Variants in CORIN observed in about 807,000 individuals in gnomAD.
CORIN encodes the protein corin, serine peptidase.
Under a neutral mutation model 125.3 loss-of-function variants are expected in CORIN, and 117 were observed. That is an observed-to-expected ratio of 0.93 (90% CI 0.80 to 1.09). CORIN has a LOEUF of 1.09. CORIN is among the 50% of genes least tolerant of loss of function. CORIN has a pLI of 0.00. For synonymous variants in CORIN, 450 were observed against 466.4 expected (o/e 0.96, Z 0.45); for missense variants, 1,253 against 1,306.7 (o/e 0.96, Z 0.63).
intron 7 of CORIN, 42 bp downstream of exon 7, chr4:47,683,689 A>G: frequency 1.4e-6 from 2 of 1,434,368 alleles, no homozygotes; most frequent in Non-Finnish European, 1.9e-6. Flanking sequence ...ATAAATTTCT[A>G]TGATTTTAAA....
intron 5 of CORIN, among the ~76,000 whole-genome samples, chr4:47,741,009 A>G (rs1728368274): frequency 6.6e-6 from 1 of 151,994 alleles, no homozygotes; most frequent in Non-Finnish European, 1.5e-5. Flanking sequence ...TTAAAAGAAA[A>G]CAAAGGAATA....
chr4:47,620,094 T>C (rs915058696), intron 19 of CORIN, among the ~76,000 whole-genome samples: 4 of 152,192 alleles, frequency 2.6e-5, no homozygotes, highest in African/African-American at 9.6e-5. Flanking sequence ...ATAATCACTA[T>C]CACACTGTAA....
chr4:47,695,397 A>G (rs1204033743), intron 5 of CORIN, among the ~76,000 whole-genome samples: 2 of 152,238 alleles, frequency 1.3e-5, no homozygotes, highest in Non-Finnish European at 2.9e-5. Context: ...AGGAAATGGA[A>G]CTGAAAGCTC....
chr4:47,668,885 T>C (rs4459961), intron 10 of CORIN, among the ~76,000 whole-genome samples: 136,038 of 152,250 alleles, frequency 0.89, 61,127 homozygotes, highest in African/African-American at 0.98. Flanking sequence ...TTTATTCCTT[T>C]AAAGGCATTC....
At chr4:47,775,550 TC>T (rs1384977230) in intron 3 of CORIN, among the ~76,000 whole-genome samples, 1 of 152,094 alleles carries the variant, frequency 6.6e-6, no homozygotes, top group Non-Finnish European at 1.5e-5. Context: ...CATGAACTCA[TC>T]CTTTTTTATG....
chr4:47,801,436 T>C (rs1731535848), intron 2 of CORIN, among the ~76,000 whole-genome samples: 1 of 152,148 alleles, frequency 6.6e-6, no homozygotes, highest in Non-Finnish European at 1.5e-5. Context: ...ATTTTAACAA[T>C]TAACTACACA....
chr4:47,594,517 C>T lies in CORIN; in HGVS notation c.*1204G>A, dbSNP rs1721177186. The T allele has an allele frequency of 1.3e-5, 2 of 152,370 alleles. No homozygotes were observed. The highest frequency in any genetic ancestry group is 2.9e-5 in the Non-Finnish European group (2 of 67,988). 9.4% of individuals were successfully genotyped at this position (152,370 alleles called of 1,614,324 possible). A position where few individuals can be genotyped will look rare whatever the true frequency, so the allele number is the denominator to read the frequency against. On this transcript the variant is annotated 3_prime_UTR_variant, in exon 22 of 22. Transcript: ENST00000273857. ...TTGAGTTGCGTAAAGTGGCCTAGAG[C>T]TAAAAATCATTTCTAAAATTTTAAT...
chr4:47,700,076 G>A (rs761020667), intron 5 of CORIN, among the ~76,000 whole-genome samples: 1 of 152,144 alleles, frequency 6.6e-6, no homozygotes, highest in Non-Finnish European at 1.5e-5. Context: ...ATACACATGA[G>A]TCCATGGAAA....
intron 8 of CORIN, 138 bp from the exon 9 acceptor site, chr4:47,678,192 T>C (rs1725114983): frequency 1.5e-6 from 1 of 657,562 alleles, no homozygotes; most frequent in Non-Finnish European, 2.7e-6. Context: ...ATATCATTGA[T>C]TTTATTTCTA....
chr4:47,786,580 A>G, intron 3 of CORIN, 145 bp downstream of exon 3: 1 of 639,706 alleles, frequency 1.6e-6, no homozygotes, highest in East Asian at 2.7e-5. Flanking sequence ...AAAATAGGGC[A>G]CTCAGCTACG....
chr4:47,602,058 G>A (rs1721468665), intron 20 of CORIN, among the ~76,000 whole-genome samples: 1 of 151,254 alleles, frequency 6.6e-6, no homozygotes, highest in South Asian at 2.1e-4. Context: ...CTGAGGTCAG[G>A]AGTTTGAAAC....
intron 5 of CORIN, among the ~76,000 whole-genome samples, chr4:47,722,396 C>T (rs543677982): frequency 2.0e-5 from 3 of 152,324 alleles, no homozygotes; most frequent in South Asian, 2.1e-4. Flanking sequence ...CCGCCCTTTT[C>T]GCAATGTTCC....
At chr4:47,821,176 A>G (rs1250030616) in intron 1 of CORIN, among the ~76,000 whole-genome samples, 4 of 152,088 alleles carry the variant, frequency 2.6e-5, no homozygotes, top group Non-Finnish European at 2.9e-5. Flanking sequence ...CAGAGGTTTC[A>G]GTGAGCCAAG....
chr4:47,689,106 C>T (rs568279180), intron 6 of CORIN, among the ~76,000 whole-genome samples: 1 of 152,204 alleles, frequency 6.6e-6, no homozygotes, highest in Admixed American at 6.5e-5. Flanking sequence ...TATCAGCTGT[C>T]CCCACGACTT....
chr4:47,659,566 G>C (rs942471552), intron 12 of CORIN, among the ~76,000 whole-genome samples: 3 of 152,200 alleles, frequency 2.0e-5, no homozygotes, highest in South Asian at 2.1e-4. Context: ...GAGCAAGAGA[G>C]AGAGTAGGGG....
intron 1 of CORIN, among the ~76,000 whole-genome samples, chr4:47,829,157 CAAAAAAAAAAAA>C (rs35771383): frequency 3.1e-5 from 2 of 64,270 alleles, no homozygotes; most frequent in South Asian, 8.0e-4. Context: ...GACTCCGTCT[CAAAAAAAAAAAA>C]AAAAAAAAAA....
At chr4:47,744,633 G>A (rs1728580123) in intron 4 of CORIN, 50 bp from the exon 5 acceptor site, 2 of 1,483,132 alleles carry the variant, frequency 1.3e-6, no homozygotes. Flanking sequence ...TACAGAATAG[G>A]TTTTGAAATA....
chr4:47,733,361 G>A (rs1727974837), intron 5 of CORIN, among the ~76,000 whole-genome samples: 1 of 152,182 alleles, frequency 6.6e-6, no homozygotes, highest in Non-Finnish European at 1.5e-5. Context: ...CAAAGAAATA[G>A]TATTAAATTA....
intron 1 of CORIN, chr4:47,837,288 C>T (rs1052364596): frequency 5.7e-5 from 9 of 159,030 alleles, no homozygotes; most frequent in African/African-American, 2.2e-4. Flanking sequence ...CCCCAGGCAC[C>T]AACTGGGGGC....
Sources: allele counts gnomAD v4.1 joint callset (sites outside exome capture counted in the v4.1 genomes callset), GRCh38; gene constraint gnomAD v4.1.1; transcripts MANE v1.5; gene names NCBI Gene and HGNC (gene_info 2026-07-23, HGNC 2026-07-21).